Variants in ANKS1B observed in about 807,000 individuals in gnomAD.
ANKS1B encodes the protein ankyrin repeat and sterile alpha motif domain containing 1B.
ANKS1B carries 36 observed loss-of-function variants against 148.3 expected under a neutral mutation model. The ratio of observed to expected loss-of-function variants is 0.24; its 90% CI spans 0.19 to 0.32. ANKS1B has a LOEUF of 0.32. Ranked by LOEUF, ANKS1B falls within the 10% of genes least tolerant of loss-of-function variation. The probability of loss-of-function intolerance (pLI) is 1.00; values close to 1 mark genes in which losing one functional copy is unlikely to be tolerated. For synonymous variants in ANKS1B, 542 were observed against 560.8 expected (o/e 0.97, Z 0.47); for missense variants, 1,157 against 1,542.6 (o/e 0.75, Z 4.19).
At chr12:99,008,698 A>G (rs1272009487) in intron 17 of ANKS1B, among the ~76,000 whole-genome samples, 1 of 152,194 alleles carries the variant, frequency 6.6e-6, no homozygotes, top group African/African-American at 2.4e-5. Context: ...CTCGTTACAA[A>G]TTGTTATGGA....
chr12:98,855,054 G>A (rs896907727), intron 17 of ANKS1B, among the ~76,000 whole-genome samples: 3 of 151,862 alleles, frequency 2.0e-5, no homozygotes, highest in Non-Finnish European at 4.4e-5. Context: ...AGCTACTCGG[G>A]AGGCTGAGGC....
At chr12:98,883,081 G>A (rs1395234291) in intron 17 of ANKS1B, among the ~76,000 whole-genome samples, 1 of 152,248 alleles carries the variant, frequency 6.6e-6, no homozygotes, top group African/African-American at 2.4e-5. Flanking sequence ...AAAGGGTGAT[G>A]CTTACTTGTT....
At chr12:99,039,974 A>G (rs549749463) in intron 17 of ANKS1B, among the ~76,000 whole-genome samples, 5 of 152,250 alleles carry the variant, frequency 3.3e-5, no homozygotes, top group African/African-American at 1.2e-4. Flanking sequence ...TTTGTATTGT[A>G]GTTTGTCTCT....
intron 11 of ANKS1B, among the ~76,000 whole-genome samples, chr12:99,426,289 A>G (rs1208942024): frequency 6.6e-6 from 1 of 152,122 alleles, no homozygotes; most frequent in East Asian, 1.9e-4. Context: ...TATAATTGCA[A>G]TTATTATGTA....
At chr12:99,671,801 C>T (rs2153469924) in intron 8 of ANKS1B, among the ~76,000 whole-genome samples, 1 of 152,160 alleles carries the variant, frequency 6.6e-6, no homozygotes, top group Non-Finnish European at 1.5e-5. Flanking sequence ...TGGTACTACT[C>T]CAGATATTGC....
intron 20 of ANKS1B, 68 bp downstream of exon 20, chr12:98,807,776 T>C (rs2099062295): frequency 7.1e-7 from 1 of 1,400,768 alleles, no homozygotes; most frequent in Admixed American, 2.0e-5. Flanking sequence ...CTATAGCTGT[T>C]GACAACACTG....
At chr12:99,358,722 C>T (rs1008735858) in intron 12 of ANKS1B, among the ~76,000 whole-genome samples, 7 of 151,956 alleles carry the variant, frequency 4.6e-5, no homozygotes, top group Non-Finnish European at 8.8e-5. Context: ...CAGAATTCTA[C>T]TCCATCACAC....
At chr12:98,864,171 A>G (rs745997517) in intron 17 of ANKS1B, among the ~76,000 whole-genome samples, 133 of 150,194 alleles carry the variant, frequency 8.9e-4, no homozygotes, top group Non-Finnish European at 1.6e-3. Context: ...TTGTTTATTG[A>G]TACATAATAT....
intron 10 of ANKS1B, among the ~76,000 whole-genome samples, chr12:99,503,401 C>T (rs1055568702): frequency 1.3e-5 from 2 of 152,166 alleles, no homozygotes; most frequent in Non-Finnish European, 2.9e-5. Context: ...GCTGTCTTCT[C>T]GCTACTCTGT....
rs186202951 is a variant in ANKS1B, at chr12:99,242,042, T to C, written c.2419+2300A>G. ...CTATTCAAAATAGTGTTGGAAGTTC[T>C]GGCCAGAGCAATCAGGCAAGAGAAT... On this transcript the variant is annotated intron_variant, in intron 14 of 26. Coordinates refer to ENST00000683438, the MANE Select transcript of ANKS1B (RefSeq NM_001352186.2). Among the ~76,000 whole-genome samples, 38 of 152,340 alleles carry C rather than the reference T, an allele frequency of 2.5e-4. 1 individual carries two copies. The East Asian group carries it at 6.7e-3, about 27-fold the overall frequency.
intron 9 of ANKS1B, among the ~76,000 whole-genome samples, chr12:99,510,523 G>T (rs1113292): frequency 0.054 from 8,138 of 152,042 alleles, 445 homozygotes; most frequent in East Asian, 0.29. Flanking sequence ...ACTGGAAGTG[G>T]AGCCTGAATA....
At chr12:99,312,114 A>G (rs1259195533) in intron 12 of ANKS1B, among the ~76,000 whole-genome samples, 2 of 152,170 alleles carry the variant, frequency 1.3e-5, no homozygotes, top group East Asian at 3.9e-4. Flanking sequence ...AAAGCTATCT[A>G]GGTTAAACGA....
At chr12:99,766,813 A>C (rs1370393314) in intron 8 of ANKS1B, among the ~76,000 whole-genome samples, 1 of 152,180 alleles carries the variant, frequency 6.6e-6, no homozygotes, top group African/African-American at 2.4e-5. Flanking sequence ...ATTTCAAAAA[A>C]TTTGCCTCCC....
chr12:99,788,984 T>G (rs1366449263), intron 4 of ANKS1B, among the ~76,000 whole-genome samples: 3 of 152,102 alleles, frequency 2.0e-5, no homozygotes, highest in Admixed American at 6.5e-5. Flanking sequence ...GGTTTTTGAC[T>G]CTAATCCTTG....
intron 1 of ANKS1B, among the ~76,000 whole-genome samples, chr12:99,899,317 C>T (rs11110100): frequency 0.41 from 62,125 of 152,018 alleles, 13,386 homozygotes; most frequent in African/African-American, 0.52. Context: ...ACTACACTTC[C>T]TGTAGTTAAA....
rs527851793 is a variant in ANKS1B, at chr12:99,825,526, T to G, written c.135-137A>C. ...AGCCATGTGGAAAATGATTGCCATC[T>G]TCTATGAATTCCCCTCAGAACATCA... On this transcript the variant is annotated intron_variant, in intron 1 of 26. Transcript: ENST00000683438. 3.4e-5 allele frequency: 21 copies of G among 608,948 alleles called. No homozygotes were observed. In the South Asian group the frequency reaches 3.8e-4, roughly 11 times the overall value. 37.7% of individuals were successfully genotyped at this position (608,948 alleles called of 1,614,324 possible).
At chr12:98,930,252 A>C (rs1247039130) in intron 17 of ANKS1B, among the ~76,000 whole-genome samples, 2 of 152,154 alleles carry the variant, frequency 1.3e-5, no homozygotes, top group Non-Finnish European at 2.9e-5. Flanking sequence ...CTTCATTCCT[A>C]CTAAGATGGC....
exon 10 of ANKS1B, chr12:98,735,112 C>T (rs2097767556): frequency 2.5e-6 from 1 of 398,380 alleles, no homozygotes; most frequent in African/African-American, 2.1e-5. Flanking sequence ...GACAAGGTAA[C>T]ATGAAGAAAG....
chr12:99,231,092 T>C (rs1168449298), intron 14 of ANKS1B, among the ~76,000 whole-genome samples: 1 of 152,174 alleles, frequency 6.6e-6, no homozygotes, highest in East Asian at 1.9e-4. Context: ...CAAGGAAAAT[T>C]TCTCCTCTGA....
Sources: allele counts gnomAD v4.1 joint callset (sites outside exome capture counted in the v4.1 genomes callset), GRCh38; gene constraint gnomAD v4.1.1; transcripts MANE v1.5; gene names NCBI Gene and HGNC (gene_info 2026-07-23, HGNC 2026-07-21).